The following ADGRG1 variants were observed in gnomAD, a reference collection of about 807,000 sequenced individuals.
The protein encoded by ADGRG1 is adhesion G protein-coupled receptor G1, also known as 7-transmembrane protein with no EGF-like N-terminal domains-1.
A neutral mutation model predicts 73.5 loss-of-function variants in ADGRG1; 53 were observed. The observed-to-expected ratio is 0.72, with a 90% CI of 0.58 to 0.91. The LOEUF (loss-of-function observed/expected upper bound fraction) is 0.91, where lower values mean the gene tolerates loss of function less well. ADGRG1 is among the 40% of genes least tolerant of loss of function. ADGRG1 has a pLI of 0.00. For missense variants in ADGRG1, 795 were observed against 871.8 expected (o/e 0.91, Z 1.11); for synonymous variants, 394 against 374.4 (o/e 1.05, Z -0.60).
intron 5 of ADGRG1, among the ~76,000 whole-genome samples, chr16:57,654,829 G>C (rs1191685790): frequency 6.6e-6 from 1 of 152,194 alleles, no homozygotes; most frequent in Non-Finnish European, 1.5e-5. Flanking sequence ...GCAGTGAGCT[G>C]AGATTGTGCC....
In ADGRG1 at chr16:57,663,563, C is replaced by T; in HGVS notation, c.2045C>T (p.Thr682Ile). ...AGGCTCCCCATCAGCTCGGGCAGCA[C>T]CTCGTCCAGCCGCATCTAGGCCTCC... is the stretch of plus-strand genomic sequence containing the variant. ...SARLPISSGS[T>I]SSSRI The change falls in exon 14 of 14, where the codon ACC (threonine) becomes ATC (isoleucine). Residue 682 changes from threonine to isoleucine, a missense_variant. Coordinates refer to ENST00000562631, the MANE Select transcript of ADGRG1 (RefSeq NM_201525.4). The T allele has an allele frequency of 5.0e-6, 8 of 1,613,564 alleles. No individual in the cohort carries two copies. The highest frequency in any genetic ancestry group is 6.8e-6 in the Non-Finnish European group (8 of 1,179,992).
chr16:57,627,444 G>A (rs1229060251), upstream of ADGRG1, among the ~76,000 whole-genome samples: 1 of 152,228 alleles, frequency 6.6e-6, no homozygotes, highest in African/African-American at 2.4e-5. Flanking sequence ...CCTCCCTGCT[G>A]TGTGATCTTG....
upstream of ADGRG1, chr16:57,623,709 C>A: frequency 1.4e-6 from 1 of 738,754 alleles, no homozygotes; most frequent in Non-Finnish European, 1.7e-6. Flanking sequence ...TTTGTGAAGG[C>A]GGCTGAGTCA....
At chr16:57,662,806 G>GTA in intron 13 of ADGRG1, 1 of 287,850 alleles carries the variant, frequency 3.5e-6, no homozygotes, top group Non-Finnish European at 5.2e-6. Context: ...GCACACACAG[G>GTA]CATGCACACC....
chr16:57,661,700 C>T lies in ADGRG1; in HGVS notation c.1668C>T (p.Cys556=), dbSNP rs1441450544. ...GCCCTCCTGCCTTTGCCCGCAGGTG[C>T]TGGATCCGGGACTCCCTGGTCAGCT... is the stretch of plus-strand genomic sequence containing the variant. The part of the protein sequence containing the change: ...TPEGVIYPSM[C]WIRDSLVSYI... The change falls in exon 13 of 14, where the codon TGC becomes TGT. Residue 556 remains cysteine (C), a synonymous_variant. Coordinates refer to ENST00000562631, the MANE Select transcript of ADGRG1 (RefSeq NM_201525.4). 6.2e-7 allele frequency: 1 copy of T among 1,613,240 alleles called. No homozygotes were observed. Among genetic ancestry groups the T allele is most frequent in the African/African-American group, 1.3e-5 (1 of 74,926 alleles).
At position 57,663,486 on chromosome 16, in the gene ADGRG1, G is replaced by C; in HGVS notation, c.1968G>C (p.Arg656=). 6.2e-7 allele frequency: 1 copy of C among 1,613,996 alleles called. No individual in the cohort carries two copies. Among genetic ancestry groups the C allele is most frequent in the Non-Finnish European group, 8.5e-7 (1 of 1,179,956 alleles). ...TCTTCATCTGGTACTGGTCCATGCG[G>C]CTGCAGGCCCGGGGTGGCCCCTCCC... The part of the protein sequence containing the change: ...FLIFIWYWSM[R]LQARGGPSPL... Residue 656 remains arginine (R), a synonymous_variant, in exon 14 of 14, where the codon CGG becomes CGC. Coordinates refer to ENST00000562631, the MANE Select transcript of ADGRG1 (RefSeq NM_201525.4).
At chr16:57,646,371 T>TGGGGGGGG in intron 1 of ADGRG1, 1 of 910,542 alleles carries the variant, frequency 1.1e-6, no homozygotes, top group Non-Finnish European at 1.3e-6. Context: ...GGTGGTGGGG[T>TGGGGGGGG]GGGGGTCTCA....
At chr16:57,659,059 CAG>C (rs2046416271) in intron 10 of ADGRG1, 1 of 985,196 alleles carries the variant, frequency 1.0e-6, no homozygotes, top group Non-Finnish European at 1.2e-6. Context: ...CGGGAAGACA[CAG>C]AATGTGGATG....
chr16:57,643,442 C>A, intron 1 of ADGRG1: 2 of 438,848 alleles, frequency 4.6e-6, no homozygotes, highest in Non-Finnish European at 6.1e-6. Flanking sequence ...AGTGCCCCAA[C>A]TTCTCCCCTT....
At chr16:57,633,215 C>A in intron 1 of ADGRG1, 2 of 674,168 alleles carry the variant, frequency 3.0e-6, no homozygotes, top group Non-Finnish European at 3.7e-6. Context: ...AAAGTGGCTG[C>A]AAAGTATGTA....
In ADGRG1 at chr16:57,663,794, C is replaced by T; in HGVS notation, c.*212C>T. ...GGGACTACTCGGCTCTCACTCAGCT[C>T]CCACGGGACTCAGAAGTGCGCCGCC... On this transcript the variant is annotated 3_prime_UTR_variant, in exon 14 of 14. Transcript: ENST00000562631. 4.9e-6 allele frequency: 3 copies of T among 617,330 alleles called. No individual in the cohort carries two copies. The South Asian group carries it at 5.7e-5, about 12-fold the overall frequency. 38.2% of individuals were successfully genotyped at this position (617,330 alleles called of 1,614,324 possible).
At position 57,663,770 on chromosome 16, in the gene ADGRG1, G is replaced by T; in HGVS notation, c.*188G>T. 1 of 659,328 alleles carries T rather than the reference G, an allele frequency of 1.5e-6. No homozygotes were observed. Among genetic ancestry groups the T allele is most frequent in the Non-Finnish European group, 2.7e-6 (1 of 377,320 alleles). The allele number at this position is 659,328 out of a possible 1,614,324, so 40.8% of individuals were successfully genotyped here. A position where few individuals can be genotyped will look rare whatever the true frequency, so the allele number is the denominator to read the frequency against. On this transcript the variant is annotated 3_prime_UTR_variant, in exon 14 of 14. Coordinates refer to ENST00000562631, the MANE Select transcript of ADGRG1 (RefSeq NM_201525.4). Reference sequence around the variant, plus strand: ...GGCTGGGCTTTTGAATTGGCCTTGGGGACTACTCGGCTCTCACTCAGCTCC... The same window carrying T: ...GGCTGGGCTTTTGAATTGGCCTTGGTGACTACTCGGCTCTCACTCAGCTCC...
At chr16:57,623,479 C>T (rs2035259614), upstream of ADGRG1, among the ~76,000 whole-genome samples, 1 of 152,266 alleles carries the variant, frequency 6.6e-6, no homozygotes, top group Non-Finnish European at 1.5e-5. Flanking sequence ...ATGCTCGCCC[C>T]TCCTGTGTGC....
At chr16:57,638,020 C>T (rs578125209) in intron 1 of ADGRG1, among the ~76,000 whole-genome samples, 2 of 152,206 alleles carry the variant, frequency 1.3e-5, no homozygotes, top group South Asian at 4.1e-4. Flanking sequence ...CTTTTCTGTG[C>T]CCTGTCTGGG....
chr16:57,663,551 G>C lies in ADGRG1; in HGVS notation c.2033G>C (p.Ser678Thr). The C allele has an allele frequency of 2.5e-6, 4 of 1,613,814 alleles. No homozygotes were observed. In the East Asian group the frequency reaches 6.7e-5, roughly 27 times the overall value. The change falls in exon 14 of 14, where the codon AGC becomes ACC. Residue 678 changes from serine (S) to threonine (T), a missense_variant. Ser to Thr is a moderately conservative substitution (Grantham distance 58, BLOSUM62 1). Transcript: ENST00000562631. ...SNSDSARLPISSGSTSSSRI is the reference protein window; with the variant it reads ...SNSDSARLPITSGSTSSSRI The stretch of plus-strand genomic sequence containing the variant: ...TCAGACAGCGCCAGGCTCCCCATCA[G>C]CTCGGGCAGCACCTCGTCCAGCCGC...
Position 57,651,222 on chromosome 16 carries a change from G to C in ADGRG1, c.87G>C (p.Arg29Ser). The change falls in exon 3 of 14, where the codon AGG (arginine) becomes AGC (serine). Residue 29 changes from arginine to serine, a missense_variant. Arg to Ser is a moderately radical substitution (Grantham distance 110). Transcript: ENST00000562631. ...CAGGTGCCCACGGCAGGGGCCACAG[G>C]GAAGACTTTCGCTTCTGCAGCCAGC... is the stretch of plus-strand genomic sequence containing the variant. ...LVQGAHGRGH[R>S]EDFRFCSQRN... 1 of 1,614,094 alleles carries C rather than the reference G, an allele frequency of 6.2e-7. No homozygotes were observed. Among genetic ancestry groups the C allele is most frequent in the Non-Finnish European group, 8.5e-7 (1 of 1,180,006 alleles).
At chr16:57,645,391 T>C in intron 1 of ADGRG1, 1 of 863,476 alleles carries the variant, frequency 1.2e-6, no homozygotes, top group Non-Finnish European at 1.4e-6. Flanking sequence ...CCCAACCTGA[T>C]GCCTGCCCTT....
At chr16:57,628,239 A>T, upstream of ADGRG1, 3 of 918,942 alleles carry the variant, frequency 3.3e-6, no homozygotes, top group Non-Finnish European at 3.9e-6. Context: ...TGTCGCCCTG[A>T]CCTGGGGGGT....
At chr16:57,663,360 G>C in intron 13 of ADGRG1, 92 bp from the exon 14 acceptor site, 1 of 1,572,556 alleles carries the variant, frequency 6.4e-7, no homozygotes, top group East Asian at 2.3e-5. Flanking sequence ...TGGAGAGGTG[G>C]GGCAGACCCG....
Sources: gnomAD v4.1 joint callset for allele counts (sites outside exome capture counted in the v4.1 genomes callset) on GRCh38, gnomAD v4.1.1 for gene constraint, MANE v1.5 for transcripts, NCBI Gene and HGNC (gene_info 2026-07-23, HGNC 2026-07-21) for gene names.